The following MAPK8IP3 variants were observed in gnomAD, a reference collection of about 807,000 sequenced individuals.
MAPK8IP3 encodes mitogen-activated protein kinase 8 interacting protein 3.
A neutral mutation model predicts 157.8 loss-of-function variants in MAPK8IP3; 49 were observed. That is an observed-to-expected ratio of 0.31 (90% CI 0.25 to 0.39). The LOEUF (loss-of-function observed/expected upper bound fraction) is 0.39. MAPK8IP3 is among the 10% of genes least tolerant of loss of function. The pLI is 1.00. For missense variants in MAPK8IP3, 1,478 were observed against 1,889.4 expected (o/e 0.78, Z 4.04); for synonymous variants, 897 against 777.7 (o/e 1.15, Z -2.55).
At chr16:1,738,432 G>A (rs1265965079) in intron 4 of MAPK8IP3, among the ~76,000 whole-genome samples, 1 of 97,938 alleles carries the variant, frequency 1.0e-5, no homozygotes, top group East Asian at 3.3e-4. Flanking sequence ...GACCGTGTGA[G>A]AGAGTGACCA....
At chr16:1,737,108 G>A (rs2039992666) in intron 4 of MAPK8IP3, among the ~76,000 whole-genome samples, 1 of 91,570 alleles carries the variant, frequency 1.1e-5, no homozygotes, top group Non-Finnish European at 2.2e-5. Flanking sequence ...CCATCCATGT[G>A]AGCATCTGTG....
chr16:1,762,087 A>G (rs1596778501), intron 13 of MAPK8IP3, among the ~76,000 whole-genome samples: 2 of 152,174 alleles, frequency 1.3e-5, no homozygotes, highest in Admixed American at 6.5e-5. Flanking sequence ...CACTCCTGAG[A>G]CCACATGGAG....
In MAPK8IP3 at chr16:1,724,793, G is replaced by A. The variant is rs913294476; in HGVS notation, c.439+116G>A. 5.5e-5 allele frequency: 75 copies of A among 1,370,928 alleles called. No individual in the cohort carries two copies. The highest frequency in any genetic ancestry group is 7.3e-5 in the Non-Finnish European group (74 of 1,014,684). 84.9% of individuals were successfully genotyped at this position (1,370,928 alleles called of 1,614,324 possible). A position where few individuals can be genotyped will look rare whatever the true frequency, so the allele number is the denominator to read the frequency against. On this transcript the variant is annotated intron_variant, in intron 2 of 31. Transcript: ENST00000610761. The surrounding 1 kb of genome is among the most constrained non-coding windows in gnomAD (Gnocchi z 4.1). Reference sequence around the variant, plus strand: ...AAGGGGACGAGAGGAAGCCCAGTGGGAGCCTCAGCCATGTATTCCAGCTCT... The same window carrying A: ...AAGGGGACGAGAGGAAGCCCAGTGGAAGCCTCAGCCATGTATTCCAGCTCT...
At chr16:1,728,602 A>T (rs1249199606) in intron 2 of MAPK8IP3, among the ~76,000 whole-genome samples, 1 of 145,778 alleles carries the variant, frequency 6.9e-6, no homozygotes. Flanking sequence ...CACAGAGCTG[A>T]GTGTTCTCCC....
chr16:1,764,540 A>T (rs1006870006), intron 19 of MAPK8IP3, 81 bp downstream of exon 19: 1 of 1,528,024 alleles, frequency 6.5e-7, no homozygotes, highest in Non-Finnish European at 8.8e-7. Context: ...TGGGAGTGAG[A>T]CACAGGACAG....
rs557072132 is a variant in MAPK8IP3, at chr16:1,718,521, C to T, written c.319-6036C>T. Among the ~76,000 whole-genome samples the T allele has an allele frequency of 4.6e-5, 7 of 151,152 alleles. No homozygotes were observed. In the South Asian group the frequency reaches 8.6e-4, roughly 19 times the overall value. On this transcript the variant is annotated intron_variant, in intron 1 of 31. Coordinates refer to ENST00000610761, the MANE Select transcript of MAPK8IP3 (RefSeq NM_001318852.2). Reference sequence around the variant, plus strand: ...ATAAAAATATTTTCTAGGCCGGGTACGGTGGCTCTCGCCTGTAATACCAGC... The same window carrying T: ...ATAAAAATATTTTCTAGGCCGGGTATGGTGGCTCTCGCCTGTAATACCAGC...
intron 4 of MAPK8IP3, among the ~76,000 whole-genome samples, chr16:1,739,276 G>A (rs1482265736): frequency 7.2e-6 from 1 of 139,174 alleles, no homozygotes; most frequent in African/African-American, 2.8e-5. Flanking sequence ...GACCGTCCGT[G>A]TGAGCATCCA....
In MAPK8IP3 at chr16:1,706,725, CAA is replaced by C; in HGVS notation, c.318+69_318+70del. Reference sequence around the variant, plus strand: ...CCCAGCCAGCCCCGGGCCCCGGACCCAACACCCGTCCCGACCCCAGACCCCGC... The same window carrying C: ...CCCAGCCAGCCCCGGGCCCCGGACCCCACCCGTCCCGACCCCAGACCCCGC... On this transcript the variant is annotated intron_variant, in intron 1 of 31. Coordinates refer to ENST00000610761, the MANE Select transcript of MAPK8IP3 (RefSeq NM_001318852.2). This position sits in a 1 kb window ranked among gnomAD's most constrained non-coding sequence, Gnocchi z 5.1. 1 of 1,445,848 alleles carries C rather than the reference CAA, an allele frequency of 6.9e-7. No individual in the cohort carries two copies. The highest frequency in any genetic ancestry group is 9.2e-7 in the Non-Finnish European group (1 of 1,091,892). 89.6% of individuals were successfully genotyped at this position (1,445,848 alleles called of 1,614,324 possible). A position where few individuals can be genotyped will look rare whatever the true frequency, so the allele number is the denominator to read the frequency against.
At chr16:1,723,324 T>G (rs1180613040) in intron 1 of MAPK8IP3, among the ~76,000 whole-genome samples, 2 of 151,994 alleles carry the variant, frequency 1.3e-5, no homozygotes, top group East Asian at 3.9e-4. Flanking sequence ...GGAGAATCGC[T>G]TGAACCCGGG....
chr16:1,738,931 CGT>C (rs1325070345), intron 4 of MAPK8IP3, among the ~76,000 whole-genome samples: 2 of 121,546 alleles, frequency 1.6e-5, no homozygotes, highest in South Asian at 2.9e-4. Flanking sequence ...TGTGAGCGTC[CGT>C]GTGAGAGTGT....
At chr16:1,738,020 G>A (rs1325509904) in intron 4 of MAPK8IP3, among the ~76,000 whole-genome samples, 11 of 80,008 alleles carry the variant, frequency 1.4e-4, no homozygotes, top group African/African-American at 2.1e-4. Context: ...GTGACCGTCC[G>A]TGTGAGCATC....
intron 8 of MAPK8IP3, among the ~76,000 whole-genome samples, chr16:1,753,441 A>ATT (rs778556396): frequency 9.2e-5 from 13 of 141,750 alleles, no homozygotes; most frequent in Admixed American, 7.6e-4. Context: ...TTATTTATTT[A>ATT]TTTATTTATT....
chr16:1,736,186 C>G (rs1371338524), intron 4 of MAPK8IP3, among the ~76,000 whole-genome samples: 16 of 95,364 alleles, frequency 1.7e-4, no homozygotes, highest in South Asian at 5.2e-4. Flanking sequence ...GAGCGTGTGA[C>G]CGTCCGTGTG....
intron 16 of MAPK8IP3, among the ~76,000 whole-genome samples, chr16:1,763,446 G>C (rs2042066297): frequency 6.6e-6 from 1 of 152,234 alleles, no homozygotes; most frequent in Non-Finnish European, 1.5e-5. Flanking sequence ...CCAAGCCCAG[G>C]GGCATAGCCG....
Position 1,748,793 on chromosome 16 carries a change from A to G in MAPK8IP3, c.1216+73A>G, listed in dbSNP as rs761091774. 8.9e-6 allele frequency: 12 copies of G among 1,346,862 alleles called. No homozygotes were observed. The East Asian group carries it at 2.3e-4, about 26-fold the overall frequency. 83.4% of individuals were successfully genotyped at this position (1,346,862 alleles called of 1,614,324 possible). On this transcript the variant is annotated intron_variant, in intron 8 of 31. Coordinates refer to ENST00000610761, the MANE Select transcript of MAPK8IP3 (RefSeq NM_001318852.2). ...GCTTTCTGCTGTTGGTTTTGTTTGT[A>G]ATGAAAGGAAAGTCCTCTGTCAGCT...
intron 1 of MAPK8IP3, chr16:1,707,608 G>A (rs1295821268): frequency 6.6e-6 from 1 of 152,218 alleles, no homozygotes; most frequent in African/African-American, 2.4e-5. Context: ...GCCTGTGTGT[G>A]GGCCCAGAAC....
intron 4 of MAPK8IP3, among the ~76,000 whole-genome samples, chr16:1,737,980 G>A (rs1472558290): frequency 3.7e-5 from 3 of 80,592 alleles, no homozygotes; most frequent in Admixed American, 1.3e-4. Context: ...GCGTGTGACC[G>A]TCCGTGTGAC....
At chr16:1,717,912 C>T (rs912586370) in intron 1 of MAPK8IP3, among the ~76,000 whole-genome samples, 3 of 151,712 alleles carry the variant, frequency 2.0e-5, no homozygotes, top group African/African-American at 7.3e-5. Context: ...AGTGCAGTGG[C>T]ACGATCTCAG....
At chr16:1,745,199 C>T (rs1567179943) in intron 5 of MAPK8IP3, 11 of 985,028 alleles carry the variant, frequency 1.1e-5, no homozygotes, top group Non-Finnish European at 1.2e-5. Flanking sequence ...CAGAATTCCC[C>T]GCAGCCACCA....
Sources: allele counts gnomAD v4.1 joint callset (sites outside exome capture counted in the v4.1 genomes callset), GRCh38; gene constraint gnomAD v4.1.1; non-coding constraint Gnocchi (gnomAD v3.1); transcripts MANE v1.5; gene names NCBI Gene and HGNC (gene_info 2026-07-23, HGNC 2026-07-21).